GRIK1: variants seen among roughly 807,000 people sequenced by gnomAD.
GRIK1 encodes glutamate receptor ionotropic, kainate 1.
A neutral mutation model predicts 105.7 loss-of-function variants in GRIK1; 69 were observed. The ratio of observed to expected loss-of-function variants is 0.65; its 90% CI spans 0.54 to 0.80. The LOEUF is 0.80. Ranked by LOEUF, GRIK1 falls within the 30% of genes least tolerant of loss-of-function variation. GRIK1 has a pLI of 0.00. For synonymous variants in GRIK1, 438 were observed against 431.3 expected, an observed-to-expected ratio of 1.02 and a Z score of -0.19; for missense variants, 1,109 against 1,167.3, an observed-to-expected ratio of 0.95 and a Z score of 0.73.
At chr21:29,938,527 CTT>C (rs1400784550) in intron 1 of GRIK1, among the ~76,000 whole-genome samples, 1 of 152,226 alleles carries the variant, frequency 6.6e-6, no homozygotes, top group Non-Finnish European at 1.5e-5. Flanking sequence ...GTGCTATACA[CTT>C]ATGGCTGTCA....
chr21:29,587,293 G>T, intron 12 of GRIK1, 73 bp downstream of exon 12: 2 of 872,390 alleles, frequency 2.3e-6, no homozygotes, highest in Admixed American at 2.3e-5. Context: ...CCTAATTTTT[G>T]TCTGCCTCTG....
intron 16 of GRIK1, among the ~76,000 whole-genome samples, chr21:29,546,419 G>C (rs2090051448): frequency 6.6e-6 from 1 of 152,220 alleles, no homozygotes; most frequent in Admixed American, 6.5e-5. Flanking sequence ...CCTTCACCCT[G>C]TGAAGTAAAA....
intron 7 of GRIK1, among the ~76,000 whole-genome samples, chr21:29,615,525 T>C (rs556619855): frequency 2.6e-5 from 4 of 152,202 alleles, no homozygotes; most frequent in African/African-American, 9.6e-5. Flanking sequence ...GCCAGGCTGG[T>C]CTTGAACTCC....
intron 16 of GRIK1, among the ~76,000 whole-genome samples, chr21:29,549,036 G>GTTTA (rs1257121755): frequency 3.3e-5 from 5 of 152,166 alleles, no homozygotes; most frequent in Admixed American, 2.6e-4. Context: ...TTGTTTGTTT[G>GTTTA]TTTATTGATT....
chr21:29,930,998 C>T (rs2146357844), intron 1 of GRIK1, among the ~76,000 whole-genome samples: 1 of 152,244 alleles, frequency 6.6e-6, no homozygotes, highest in African/African-American at 2.4e-5. Context: ...AAAATATAGA[C>T]TTTATTTCTT....
chr21:29,570,255 T>C (rs1036566268), intron 14 of GRIK1, among the ~76,000 whole-genome samples: 1 of 152,034 alleles, frequency 6.6e-6, no homozygotes, highest in Admixed American at 6.5e-5. Context: ...GTAATCCCAG[T>C]ACTTTTGGAG....
chr21:29,833,357 G>T (rs1374670625), intron 1 of GRIK1, among the ~76,000 whole-genome samples: 1 of 152,054 alleles, frequency 6.6e-6, no homozygotes, highest in Non-Finnish European at 1.5e-5. Flanking sequence ...ATCTTTATAA[G>T]AATGCCCCAC....
At chr21:29,682,480 T>C (rs1421799737) in intron 3 of GRIK1, among the ~76,000 whole-genome samples, 3 of 152,184 alleles carry the variant, frequency 2.0e-5, no homozygotes, top group African/African-American at 7.2e-5. Context: ...TACATTTTTT[T>C]TGGTCTAAAT....
intron 16 of GRIK1, among the ~76,000 whole-genome samples, chr21:29,550,688 C>A (rs1337948730): frequency 6.6e-6 from 1 of 152,152 alleles, no homozygotes; most frequent in Non-Finnish European, 1.5e-5. Flanking sequence ...AGAGCTTGAG[C>A]CTCTAAATTA....
intron 1 of GRIK1, among the ~76,000 whole-genome samples, chr21:29,807,841 G>T (rs1202138856): frequency 6.6e-6 from 1 of 152,094 alleles, no homozygotes; most frequent in Non-Finnish European, 1.5e-5. Flanking sequence ...CGGGTGTCAA[G>T]GTTGAGTTGT....
At chr21:29,615,570 A>G (rs1887744311) in intron 7 of GRIK1, among the ~76,000 whole-genome samples, 1 of 152,162 alleles carries the variant, frequency 6.6e-6, no homozygotes, top group African/African-American at 2.4e-5. Flanking sequence ...TGGCCTCCCA[A>G]AGTGCTGGGA....
chr21:29,589,459 T>A (rs1196033887), intron 10 of GRIK1, among the ~76,000 whole-genome samples: 1 of 150,890 alleles, frequency 6.6e-6, no homozygotes, highest in Non-Finnish European at 1.5e-5. Context: ...TCTCACTCTG[T>A]CACCCAGCCT....
At chr21:29,599,010 T>A in intron 7 of GRIK1, 73 bp from the exon 8 acceptor site, 1 of 703,830 alleles carries the variant, frequency 1.4e-6, no homozygotes, top group East Asian at 2.6e-5. Flanking sequence ...AAAATTATAA[T>A]ACCTCAAATT....
At chr21:29,587,942 C>G (rs2212904) in intron 11 of GRIK1, among the ~76,000 whole-genome samples, 5 of 129,372 alleles carry the variant, frequency 3.9e-5, no homozygotes, top group Non-Finnish European at 8.1e-5. Flanking sequence ...AGATTTTGCT[C>G]TGAGCTGAAA....
At chr21:29,855,082 C>G (rs569922563) in intron 1 of GRIK1, among the ~76,000 whole-genome samples, 1 of 152,302 alleles carries the variant, frequency 6.6e-6, no homozygotes, top group Admixed American at 6.5e-5. Context: ...AAGACCTGAA[C>G]TTGGGCTCTA....
In GRIK1 at chr21:29,939,453, G is replaced by A; in HGVS notation, c.48C>T (p.Asp16=). ...LLAQPGLWTR[D]TSWALLYFLC... ...GGAAATAGAGGAGTGCCCAGCTGGT[G>A]TCCCTGGTCCAGAGCCCGGGCTGGG... is the stretch of plus-strand genomic sequence containing the variant. The change falls in exon 1 of 18, where the codon GAC becomes GAT. Residue 16 remains aspartate (D), a synonymous_variant. Transcript: ENST00000327783. 1 of 1,601,356 alleles carries A rather than the reference G, an allele frequency of 6.2e-7. No individual in the cohort carries two copies. The highest frequency in any genetic ancestry group is 1.1e-5 in the South Asian group (1 of 89,430).
intron 1 of GRIK1, among the ~76,000 whole-genome samples, chr21:29,709,064 A>G (rs1026314436): frequency 1.3e-5 from 2 of 152,072 alleles, no homozygotes; most frequent in East Asian, 3.9e-4. Flanking sequence ...TTATAATTTT[A>G]TATATATGCA....
chr21:29,662,903 A>T lies in GRIK1; in HGVS notation c.727-8040T>A, dbSNP rs375301890. Among the ~76,000 whole-genome samples the T allele has an allele frequency of 2.0e-5, 3 of 152,248 alleles. 1 individual carries two copies. The highest frequency in any genetic ancestry group is 7.2e-5 in the African/African-American group (3 of 41,546). ...TGTCTGGGATATGTTTCAGGCATTG[A>T]TAGTTACTAAAAACTCCCCAGGTGA... On this transcript the variant is annotated intron_variant, in intron 4 of 17. Transcript: ENST00000327783.
At chr21:29,716,594 A>G (rs111312355) in intron 1 of GRIK1, among the ~76,000 whole-genome samples, 168 of 152,242 alleles carry the variant, frequency 1.1e-3, no homozygotes, top group South Asian at 6.0e-3. Context: ...TCCTTGCTAT[A>G]CTCTAGCAAA....
Sources: allele counts gnomAD v4.1 joint callset (sites outside exome capture counted in the v4.1 genomes callset), GRCh38; gene constraint gnomAD v4.1.1; transcripts MANE v1.5; gene names NCBI Gene and HGNC (gene_info 2026-07-23, HGNC 2026-07-21).